The following SHB variants were observed in gnomAD, a reference collection of about 807,000 sequenced individuals.
SHB encodes the protein SH2 domain containing adaptor protein B, also known as SH2 domain-containing adapter protein B.
Under a neutral mutation model 52.3 loss-of-function variants are expected in SHB, and 20 were observed. The observed-to-expected ratio is 0.38, with a 90% confidence interval of 0.27 to 0.56. The LOEUF (loss-of-function observed/expected upper bound fraction) is 0.56. Ranked by LOEUF, SHB falls within the 20% of genes least tolerant of loss-of-function variation. SHB has a pLI of 0.71. For synonymous variants in SHB, 397 were observed against 316.5 expected, an observed-to-expected ratio of 1.25 and a Z score of -2.70; for missense variants, 825 against 723.3, an observed-to-expected ratio of 1.14 and a Z score of -1.61.
At chr9:37,958,961 G>T (rs904354231) in intron 3 of SHB, among the ~76,000 whole-genome samples, 4 of 152,180 alleles carry the variant, frequency 2.6e-5, no homozygotes, top group African/African-American at 9.7e-5. Context: ...GAGCACTGGG[G>T]CTAGACAGAC....
At chr9:37,973,293 G>A (rs567228320) in intron 3 of SHB, among the ~76,000 whole-genome samples, 4 of 152,090 alleles carry the variant, frequency 2.6e-5, no homozygotes, top group East Asian at 3.9e-4. Context: ...GTGCGATCTC[G>A]GCTCACCGCA....
chr9:37,955,570 T>C (rs1253017191), intron 4 of SHB, among the ~76,000 whole-genome samples: 1 of 152,184 alleles, frequency 6.6e-6, no homozygotes. Context: ...CTCAACCTCC[T>C]GGCCTCAATT....
intron 1 of SHB, among the ~76,000 whole-genome samples, chr9:38,046,636 C>G (rs112110072): frequency 2.3e-4 from 35 of 152,322 alleles, no homozygotes; most frequent in African/African-American, 7.0e-4. Flanking sequence ...TCACGCCAAG[C>G]AATGAAACAT....
intron 5 of SHB, among the ~76,000 whole-genome samples, chr9:37,925,755 C>G (rs1832243754): frequency 6.6e-6 from 1 of 152,186 alleles, no homozygotes; most frequent in Non-Finnish European, 1.5e-5. Flanking sequence ...GAATGTGGCA[C>G]AAAGCTGTTG....
rs116973160 is a variant in SHB, at chr9:37,972,610, G to A, written c.1054+2012C>T. Among the ~76,000 whole-genome samples, 317 of 152,344 alleles carry A rather than the reference G, an allele frequency of 2.1e-3. 4 individuals are homozygous for A. Among genetic ancestry groups the A allele is most frequent in the Admixed American group, 0.016 (243 of 15,306 alleles). ...CTATAGGGGCAGCAGGAAGCCTGTGGAGTGCATGGCTGTGTACCAGGGAGG... is the reference window on the plus strand; with the variant it reads ...CTATAGGGGCAGCAGGAAGCCTGTGAAGTGCATGGCTGTGTACCAGGGAGG... On this transcript the variant is annotated intron_variant, in intron 3 of 5. Transcript: ENST00000377707.
Position 38,068,631 on chromosome 9 carries a change from T to C in SHB, c.15A>G (p.Leu5=). The C allele has an allele frequency of 4.1e-6, 6 of 1,468,878 alleles. No homozygotes were observed. The highest frequency in any genetic ancestry group is 4.5e-6 in the Non-Finnish European group (5 of 1,119,508). The allele number at this position is 1,468,878 out of a possible 1,614,324, so 91.0% of individuals were successfully genotyped here. A position where few individuals can be genotyped will look rare whatever the true frequency, so the allele number is the denominator to read the frequency against. The change falls in exon 1 of 6, where the codon CTA becomes CTG. Residue 5 remains leucine, a synonymous_variant. Coordinates refer to ENST00000377707, the MANE Select transcript of SHB (RefSeq NM_003028.3). ...TGTTGCCCAAGCTGAAGTACTTGTT[T>C]AGCCACTTGGCCATGGCGAGAGGCC... The part of the protein sequence containing the change: MAKW[L]NKYFSLGNSK...
chr9:38,054,845 T>A (rs1821795108), intron 1 of SHB, among the ~76,000 whole-genome samples: 1 of 152,060 alleles, frequency 6.6e-6, no homozygotes, highest in South Asian at 2.1e-4. Context: ...AAAAAAAAAG[T>A]CAACCCCAGC....
At position 38,043,889 on chromosome 9, in the gene SHB, CA is replaced by C. The variant is rs56809865; in HGVS notation, c.717+24039del. ...GAGGAACAGGAGCAAAACTCCGTCT[CA>C]AAAAAAAAAAAAAATTAAGAAAAGA... On this transcript the variant is annotated intron_variant, in intron 1 of 5. Transcript: ENST00000377707. Among the ~76,000 whole-genome samples the C allele has an allele frequency of 9.9e-3, 1,284 of 129,568 alleles. 9 individuals are homozygous for C. Among genetic ancestry groups the C allele is most frequent in the African/African-American group, 0.028 (1,013 of 36,380 alleles). The allele number at this position is 129,568 out of a possible 152,430, so 85.0% of individuals were successfully genotyped here. A position where few individuals can be genotyped will look rare whatever the true frequency, so the allele number is the denominator to read the frequency against.
At chr9:37,944,116 G>C (rs1404026806) in intron 5 of SHB, among the ~76,000 whole-genome samples, 1 of 152,218 alleles carries the variant, frequency 6.6e-6, no homozygotes, top group Non-Finnish European at 1.5e-5. Context: ...GAGTTCTGCA[G>C]GCAGGAGGGG....
intron 3 of SHB, among the ~76,000 whole-genome samples, chr9:37,959,482 C>A (rs1312007162): frequency 2.6e-5 from 4 of 152,130 alleles, no homozygotes; most frequent in Non-Finnish European, 5.9e-5. Flanking sequence ...GCCACAGGCT[C>A]AGGAGACCGA....
chr9:38,005,623 G>A (rs549655373), intron 2 of SHB, among the ~76,000 whole-genome samples: 27 of 152,104 alleles, frequency 1.8e-4, no homozygotes, highest in African/African-American at 5.8e-4. Context: ...GCTTCCTCTC[G>A]GAGCCTTAGG....
chr9:38,030,072 G>T (rs1179844031), intron 1 of SHB, among the ~76,000 whole-genome samples: 1 of 152,204 alleles, frequency 6.6e-6, no homozygotes, highest in Non-Finnish European at 1.5e-5. Flanking sequence ...AAGGGCTGCA[G>T]TCTGCCCTAA....
chr9:38,057,080 A>G (rs1370207575), intron 1 of SHB, among the ~76,000 whole-genome samples: 1 of 152,254 alleles, frequency 6.6e-6, no homozygotes, highest in East Asian at 1.9e-4. Context: ...TCTCAGAATC[A>G]ACCCCAAGGA....
Position 38,068,410 on chromosome 9 carries a change from T to C in SHB, c.236A>G (p.Asp79Gly). ...SLPDDSGSTS[D>G]LIRAYRAQKE... ...CTGCGCGCGGTAGGCGCGGATGAGGTCGCTGGTGCTGCCGCTGTCGTCGGG... is the reference window on the plus strand; with the variant it reads ...CTGCGCGCGGTAGGCGCGGATGAGGCCGCTGGTGCTGCCGCTGTCGTCGGG... Residue 79 changes from aspartate (D) to glycine (G), a missense_variant, in exon 1 of 6, where the codon GAC (aspartate) becomes GGC (glycine). Asp to Gly is a moderately conservative substitution (Grantham distance 94). Transcript: ENST00000377707. 6.4e-7 allele frequency: 1 copy of C among 1,570,948 alleles called. No homozygotes were observed. Among genetic ancestry groups the C allele is most frequent in the Non-Finnish European group, 8.6e-7 (1 of 1,162,584 alleles).
At chr9:38,000,899 G>T (rs991766947) in intron 2 of SHB, among the ~76,000 whole-genome samples, 1 of 152,140 alleles carries the variant, frequency 6.6e-6, no homozygotes, top group Non-Finnish European at 1.5e-5. Flanking sequence ...GTGACTTCGG[G>T]AAAGTCCCTT....
intron 2 of SHB, among the ~76,000 whole-genome samples, chr9:37,983,204 C>T (rs1820759813): frequency 6.6e-6 from 1 of 152,168 alleles, no homozygotes; most frequent in Admixed American, 6.5e-5. Context: ...AGACAGGTTT[C>T]CATTGGGGGA....
chr9:38,023,446 G>A (rs545647600), intron 1 of SHB, among the ~76,000 whole-genome samples: 5 of 152,322 alleles, frequency 3.3e-5, no homozygotes, highest in Admixed American at 2.0e-4. Flanking sequence ...GGCACCTCCA[G>A]GATGAAGGTA....
intron 1 of SHB, among the ~76,000 whole-genome samples, chr9:38,059,662 A>C (rs141942805): frequency 6.6e-6 from 1 of 152,324 alleles, no homozygotes; most frequent in East Asian, 1.9e-4. Flanking sequence ...TTCAGAATCA[A>C]AACACGGGAA....
At chr9:37,960,874 C>G (rs939633624) in intron 3 of SHB, among the ~76,000 whole-genome samples, 1 of 152,172 alleles carries the variant, frequency 6.6e-6, no homozygotes, top group Non-Finnish European at 1.5e-5. Flanking sequence ...GGTCTCAAAG[C>G]CAAATAGCAG....
Sources: allele counts gnomAD v4.1 joint callset (sites outside exome capture counted in the v4.1 genomes callset), GRCh38; gene constraint gnomAD v4.1.1; transcripts MANE v1.5; gene names NCBI Gene and HGNC (gene_info 2026-07-23, HGNC 2026-07-21).